The following GABRB1 variants were observed in gnomAD, a reference collection of about 807,000 sequenced individuals.
The protein encoded by GABRB1 is gamma-aminobutyric acid type A receptor subunit beta1.
Under a neutral mutation model 51.6 loss-of-function variants are expected in GABRB1, and 17 were observed. The observed-to-expected ratio is 0.33, with a 90% CI of 0.23 to 0.49. The LOEUF (loss-of-function observed/expected upper bound fraction) is 0.49. GABRB1 is among the 20% of genes least tolerant of loss of function. The pLI is 0.99. For missense variants in GABRB1, 410 were observed against 600.6 expected, an observed-to-expected ratio of 0.68 and a Z score of 3.32; for synonymous variants, 247 against 218.9, an observed-to-expected ratio of 1.13 and a Z score of -1.14.
intron 3 of GABRB1, among the ~76,000 whole-genome samples, chr4:47,110,701 AG>A (rs1178518431): frequency 1.3e-5 from 2 of 152,186 alleles, no homozygotes; most frequent in African/African-American, 4.8e-5. Context: ...ATGAAAGCCA[AG>A]TTTTAGAAAT....
At chr4:47,036,460 G>A (rs971184975) in intron 3 of GABRB1, among the ~76,000 whole-genome samples, 1 of 152,140 alleles carries the variant, frequency 6.6e-6, no homozygotes, top group Non-Finnish European at 1.5e-5. Context: ...CAAATCAGAG[G>A]TGTGGGATGG....
intron 8 of GABRB1, among the ~76,000 whole-genome samples, chr4:47,413,781 G>A (rs1274935110): frequency 6.6e-6 from 1 of 152,156 alleles, no homozygotes; most frequent in Non-Finnish European, 1.5e-5. Context: ...TGCTTGCTTT[G>A]TCTTGATTTA....
intron 5 of GABRB1, among the ~76,000 whole-genome samples, chr4:47,320,763 C>CTTTTTTTTTTTTTTTTT (rs1264288318): frequency 5.3e-5 from 6 of 113,310 alleles, no homozygotes; most frequent in African/African-American, 9.3e-5. Context: ...GTTTTCTTTT[C>CTTTTTTTTTTTTTTTTT]TTTTTTCTTT....
chr4:47,091,116 A>G (rs1728274593), intron 3 of GABRB1, among the ~76,000 whole-genome samples: 1 of 151,502 alleles, frequency 6.6e-6, no homozygotes, highest in South Asian at 2.1e-4. Flanking sequence ...ATCTAAGAAG[A>G]GGGCTGTTTG....
chr4:47,205,203 T>G (rs1282808668), intron 4 of GABRB1, among the ~76,000 whole-genome samples: 1 of 152,188 alleles, frequency 6.6e-6, no homozygotes, highest in Non-Finnish European at 1.5e-5. Flanking sequence ...TTACATGGAC[T>G]GATTCAAGAC....
chr4:47,249,206 G>T (rs991762583), intron 4 of GABRB1, among the ~76,000 whole-genome samples: 1 of 151,966 alleles, frequency 6.6e-6, no homozygotes, highest in Non-Finnish European at 1.5e-5. Flanking sequence ...GATAGATTGT[G>T]TCATTATTGT....
intron 4 of GABRB1, among the ~76,000 whole-genome samples, chr4:47,221,465 C>T (rs1383416815): frequency 1.3e-5 from 2 of 151,964 alleles, no homozygotes; most frequent in African/African-American, 2.4e-5. Flanking sequence ...CTGGGGCTTG[C>T]CACATGATCC....
At chr4:47,411,402 T>G (rs556258087) in intron 8 of GABRB1, among the ~76,000 whole-genome samples, 2 of 152,258 alleles carry the variant, frequency 1.3e-5, no homozygotes, top group African/African-American at 4.8e-5. Flanking sequence ...TATTAAAAGG[T>G]TATAATACTG....
At chr4:47,303,771 C>T (rs1341958816) in intron 4 of GABRB1, among the ~76,000 whole-genome samples, 1 of 151,914 alleles carries the variant, frequency 6.6e-6, no homozygotes, top group African/African-American at 2.4e-5. Flanking sequence ...TAGCAATTTT[C>T]AAGAATACAT....
chr4:47,056,742 G>T lies in GABRB1; in HGVS notation c.240+24258G>T, dbSNP rs7340993. ...TATGATCTTTACCAAATCTTCACTG[G>T]ATGAAACAAACAGGGAAAGGAGAAA... is the stretch of plus-strand genomic sequence containing the variant. On this transcript the variant is annotated intron_variant, in intron 3 of 8. Coordinates refer to ENST00000295454, the MANE Select transcript of GABRB1 (RefSeq NM_000812.4). 1.5e-3 allele frequency among the ~76,000 whole-genome samples: 221 copies of T among 152,248 alleles called. 2 individuals carry two copies. The highest frequency in any genetic ancestry group is 5.1e-3 in the African/African-American group (210 of 41,550).
chr4:47,397,597 T>C (rs4379036), intron 5 of GABRB1, among the ~76,000 whole-genome samples: 139,076 of 151,946 alleles, frequency 0.92, 63,751 homozygotes, highest in East Asian at 1. Flanking sequence ...GATGGAGTCT[T>C]GCTCTGTTGC....
At chr4:47,074,075 C>A (rs1433276313) in intron 3 of GABRB1, among the ~76,000 whole-genome samples, 4 of 152,092 alleles carry the variant, frequency 2.6e-5, no homozygotes, top group Non-Finnish European at 5.9e-5. Flanking sequence ...CAATTTTTCT[C>A]AAATATGATT....
chr4:47,162,140 C>G (rs1717983457), intron 4 of GABRB1, among the ~76,000 whole-genome samples: 1 of 152,028 alleles, frequency 6.6e-6, no homozygotes, highest in African/African-American at 2.4e-5. Context: ...AGTTAAAAGT[C>G]TTTGGGAGAA....
chr4:47,153,390 C>T (rs1717549311), intron 3 of GABRB1, among the ~76,000 whole-genome samples: 1 of 152,010 alleles, frequency 6.6e-6, no homozygotes, highest in Non-Finnish European at 1.5e-5. Context: ...TATTTAGATT[C>T]TTGAATGTAA....
At chr4:47,252,079 C>T (rs1002929541) in intron 4 of GABRB1, among the ~76,000 whole-genome samples, 7 of 146,366 alleles carry the variant, frequency 4.8e-5, no homozygotes, top group African/African-American at 1.3e-4. Context: ...TTCCCGCCAC[C>T]GCCCCCCACC....
chr4:47,199,761 A>T (rs1577995229), intron 4 of GABRB1, among the ~76,000 whole-genome samples: 1 of 152,120 alleles, frequency 6.6e-6, no homozygotes, highest in East Asian at 1.9e-4. Flanking sequence ...CTAAATCATC[A>T]GCTGAGAGTT....
chr4:47,058,123 T>A (rs111462158), intron 3 of GABRB1, among the ~76,000 whole-genome samples: 48 of 152,298 alleles, frequency 3.2e-4, no homozygotes, highest in African/African-American at 1.2e-3. Flanking sequence ...CATAATTTTA[T>A]ATAGCCTGTG....
At chr4:47,172,697 A>G (rs1718492976) in intron 4 of GABRB1, among the ~76,000 whole-genome samples, 1 of 120,454 alleles carries the variant, frequency 8.3e-6, no homozygotes. Flanking sequence ...GCTGAAGTGC[A>G]GTGGCACGGT....
At chr4:47,004,597 T>C (rs35982616) in intron 1 of GABRB1, among the ~76,000 whole-genome samples, 98,085 of 151,972 alleles carry the variant, frequency 0.65, 32,153 homozygotes, top group South Asian at 0.73. Flanking sequence ...TACTTTAGGG[T>C]TGAATGGGAA....
Sources: gnomAD v4.1 joint callset for allele counts (sites outside exome capture counted in the v4.1 genomes callset) on GRCh38, gnomAD v4.1.1 for gene constraint, MANE v1.5 for transcripts, NCBI Gene and HGNC (gene_info 2026-07-23, HGNC 2026-07-21) for gene names.